CADM1: variants seen among roughly 807,000 people sequenced by gnomAD.
The protein encoded by CADM1 is TSLC-1.
In CADM1, 15 loss-of-function variants were observed where a neutral mutation model predicts 53.1. The observed-to-expected ratio is 0.28, with a 90% CI of 0.19 to 0.44. CADM1 has a LOEUF of 0.44. Among genes scored for constraint, CADM1 ranks in the 20% least tolerant of loss-of-function variants. The probability of loss-of-function intolerance (pLI) is 1.00; values close to 1 mark genes in which losing one functional copy is unlikely to be tolerated. For missense variants in CADM1, 434 were observed against 611.3 expected (o/e 0.71, Z 3.06); for synonymous variants, 281 against 243.0 (o/e 1.16, Z -1.45).
intron 3 of CADM1, among the ~76,000 whole-genome samples, chr11:115,233,320 G>T (rs1447644532): frequency 1.3e-5 from 2 of 152,066 alleles, no homozygotes; most frequent in Admixed American, 1.3e-4. Flanking sequence ...TAAACAAAAA[G>T]ATAATTTAAC....
chr11:115,442,688 A>G (rs749242716), intron 1 of CADM1, among the ~76,000 whole-genome samples: 11 of 152,222 alleles, frequency 7.2e-5, no homozygotes, highest in Non-Finnish European at 1.3e-4. Context: ...CTGTTTGCCA[A>G]GCTAGACTAT....
rs537885692 is a variant in CADM1 at position 115,374,446 on chromosome 11, T to C, written c.124+129825A>G. On this transcript the variant is annotated intron_variant, in intron 1 of 11. Coordinates refer to ENST00000331581, the MANE Select transcript of CADM1 (RefSeq NM_001301043.2). Reference sequence around the variant, plus strand: ...ATCAGTCATTTGTCTGGCCATTCTATGTATATTGCACTTAAGTTAAATGAT... The same window carrying C: ...ATCAGTCATTTGTCTGGCCATTCTACGTATATTGCACTTAAGTTAAATGAT... Among the ~76,000 whole-genome samples, 8 of 152,336 alleles carry C rather than the reference T, an allele frequency of 5.3e-5. No homozygotes were observed. The East Asian group carries it at 1.5e-3, about 29-fold the overall frequency.
At chr11:115,382,840 T>G (rs1455218302) in intron 1 of CADM1, among the ~76,000 whole-genome samples, 1 of 152,136 alleles carries the variant, frequency 6.6e-6, no homozygotes, top group African/African-American at 2.4e-5. Context: ...TCCTTAGAGA[T>G]GGTACACGTG....
intron 1 of CADM1, among the ~76,000 whole-genome samples, chr11:115,503,934 G>A (rs951226006): frequency 1.4e-4 from 21 of 152,120 alleles, no homozygotes; most frequent in Non-Finnish European, 2.4e-4. Flanking sequence ...CGGAAGGGTT[G>A]AGGTTGTCTT....
At chr11:115,214,120 G>A (rs1941078368) in intron 7 of CADM1, among the ~76,000 whole-genome samples, 1 of 152,128 alleles carries the variant, frequency 6.6e-6, no homozygotes. Context: ...GGTTCATGTA[G>A]CTACAAGGGA....
intron 10 of CADM1, among the ~76,000 whole-genome samples, chr11:115,179,293 T>A (rs777483711): frequency 5.9e-5 from 9 of 152,316 alleles, no homozygotes; most frequent in Non-Finnish European, 1.2e-4. Flanking sequence ...ATTATAAGAC[T>A]AAAGACAAAT....
At chr11:115,263,777 C>G (rs1347754254) in intron 1 of CADM1, among the ~76,000 whole-genome samples, 1 of 152,052 alleles carries the variant, frequency 6.6e-6, no homozygotes, top group Non-Finnish European at 1.5e-5. Context: ...CCACTGTAAA[C>G]AGAAACAGGC....
chr11:115,233,441 C>T (rs1240317625), intron 3 of CADM1, among the ~76,000 whole-genome samples: 1 of 152,144 alleles, frequency 6.6e-6, no homozygotes, highest in Non-Finnish European at 1.5e-5. Context: ...TTCATCCATG[C>T]TAGATGACAG....
At chr11:115,181,871 C>T (rs563925967) in intron 10 of CADM1, among the ~76,000 whole-genome samples, 2 of 152,306 alleles carry the variant, frequency 1.3e-5, no homozygotes, top group African/African-American at 4.8e-5. Flanking sequence ...ATGAAGCAGC[C>T]GTGCAAGATG....
intron 8 of CADM1, among the ~76,000 whole-genome samples, chr11:115,199,406 G>C (rs1940317469): frequency 1.3e-5 from 2 of 152,140 alleles, no homozygotes; most frequent in Admixed American, 1.3e-4. Context: ...GGAAGGAAAT[G>C]TATTTTGTCT....
intron 9 of CADM1, 144 bp from the exon 10 acceptor site, chr11:115,191,085 A>C (rs974310205): frequency 1.5e-6 from 1 of 664,194 alleles, no homozygotes; most frequent in African/African-American, 1.8e-5. Flanking sequence ...GTATTAATCC[A>C]TAAGTACATT....
chr11:115,488,571 G>T (rs545156007), intron 1 of CADM1, among the ~76,000 whole-genome samples: 216 of 152,270 alleles, frequency 1.4e-3, no homozygotes, highest in Middle Eastern at 3.4e-3. Flanking sequence ...TATATTCACA[G>T]GAAAGAACAA....
chr11:115,187,044 A>G (rs1939594518), intron 10 of CADM1, among the ~76,000 whole-genome samples: 1 of 152,228 alleles, frequency 6.6e-6, no homozygotes, highest in Admixed American at 6.5e-5. Context: ...ACGAAGTAAT[A>G]TGTGTGAAAG....
intron 1 of CADM1, among the ~76,000 whole-genome samples, chr11:115,300,018 T>C (rs1022245917): frequency 6.6e-6 from 1 of 152,154 alleles, no homozygotes; most frequent in African/African-American, 2.4e-5. Flanking sequence ...TCCTTTCTGA[T>C]TGAAAACTGT....
chr11:115,233,778 G>C (rs947712011), intron 3 of CADM1, among the ~76,000 whole-genome samples: 1 of 152,114 alleles, frequency 6.6e-6, no homozygotes, highest in Non-Finnish European at 1.5e-5. Context: ...AATTTTTCAT[G>C]TTGAAATATG....
At chr11:115,279,278 G>A (rs991770659) in intron 1 of CADM1, among the ~76,000 whole-genome samples, 2 of 152,168 alleles carry the variant, frequency 1.3e-5, no homozygotes, top group East Asian at 1.9e-4. Context: ...GGATTTGGGG[G>A]TATAGTCAAT....
intron 1 of CADM1, among the ~76,000 whole-genome samples, chr11:115,336,808 T>C (rs763233451): frequency 1.4e-4 from 21 of 152,162 alleles, no homozygotes; most frequent in Non-Finnish European, 2.4e-4. Flanking sequence ...GAACATTAGT[T>C]AACATTTTAC....
intron 1 of CADM1, among the ~76,000 whole-genome samples, chr11:115,309,384 C>T (rs545597612): frequency 7.9e-5 from 12 of 152,124 alleles, no homozygotes; most frequent in African/African-American, 2.6e-4. Context: ...GCCAAGAATG[C>T]TGTCAAAGTA....
At chr11:115,182,292 T>C (rs958571312) in intron 10 of CADM1, among the ~76,000 whole-genome samples, 1 of 152,204 alleles carries the variant, frequency 6.6e-6, no homozygotes, top group Admixed American at 6.5e-5. Flanking sequence ...CTCAGGCATA[T>C]GGACATCACT....
Sources: gnomAD v4.1 joint callset for allele counts (sites outside exome capture counted in the v4.1 genomes callset) on GRCh38, gnomAD v4.1.1 for gene constraint, MANE v1.5 for transcripts, NCBI Gene and HGNC (gene_info 2026-07-23, HGNC 2026-07-21) for gene names.